The following ARMH4 variants were observed in gnomAD, a reference collection of about 807,000 sequenced individuals.
ARMH4 encodes armadillo like helical domain containing 4.
ARMH4 carries 49 observed loss-of-function variants against 61.9 expected under a neutral mutation model. That is an observed-to-expected ratio of 0.79 (90% CI 0.63 to 1.00). The LOEUF is 1.00. Among genes scored for constraint, ARMH4 ranks in the 50% least tolerant of loss-of-function variants. The pLI, the probability that ARMH4 is intolerant of heterozygous loss-of-function variation, is 0.00. For missense variants in ARMH4, 934 were observed against 930.0 expected (o/e 1.00, Z -0.06); for synonymous variants, 368 against 341.5 (o/e 1.08, Z -0.85).
chr14:58,102,287 T>C (rs1886010171), intron 4 of ARMH4, among the ~76,000 whole-genome samples: 1 of 151,906 alleles, frequency 6.6e-6, no homozygotes, highest in Non-Finnish European at 1.5e-5. Context: ...AGAAGAACCA[T>C]GGTGGTGCAG....
At chr14:58,072,484 G>A (rs529041565) in intron 5 of ARMH4, among the ~76,000 whole-genome samples, 165 of 152,112 alleles carry the variant, frequency 1.1e-3, no homozygotes, top group African/African-American at 3.7e-3. Flanking sequence ...TTTTGGAGGC[G>A]GAGGTGGGTG....
At chr14:58,063,623 T>C (rs548156630) in intron 5 of ARMH4, among the ~76,000 whole-genome samples, 1 of 103,500 alleles carries the variant, frequency 9.7e-6, no homozygotes, top group African/African-American at 4.6e-5. Flanking sequence ...AAAAATATCA[T>C]TTTTAGAACT....
chr14:58,133,725 T>C (rs995856413), intron 2 of ARMH4, among the ~76,000 whole-genome samples: 2 of 152,254 alleles, frequency 1.3e-5, no homozygotes, highest in African/African-American at 4.8e-5. Context: ...ATACAGTGTA[T>C]TAATTTTCAC....
chr14:58,087,604 T>A (rs1329862166), intron 5 of ARMH4, among the ~76,000 whole-genome samples: 1 of 152,202 alleles, frequency 6.6e-6, no homozygotes, highest in Non-Finnish European at 1.5e-5. Flanking sequence ...AAAGTGAACA[T>A]CATCTGGGTT....
intron 5 of ARMH4, among the ~76,000 whole-genome samples, chr14:58,092,362 A>G (rs1176281604): frequency 1.3e-5 from 2 of 152,230 alleles, no homozygotes; most frequent in South Asian, 2.1e-4. Flanking sequence ...GTAATTTTAC[A>G]ATGTTTACGC....
chr14:58,025,705 T>G (rs1451628863), intron 5 of ARMH4, among the ~76,000 whole-genome samples: 1 of 152,194 alleles, frequency 6.6e-6, no homozygotes, highest in Non-Finnish European at 1.5e-5. Flanking sequence ...TATCTGCATG[T>G]TTTTAAAGAA....
intron 4 of ARMH4, among the ~76,000 whole-genome samples, chr14:58,118,999 G>T (rs1174702286): frequency 6.6e-6 from 1 of 152,166 alleles, no homozygotes; most frequent in Non-Finnish European, 1.5e-5. Context: ...GATTCTTTAT[G>T]CTGTTTTAAT....
chr14:58,112,777 AT>A (rs1181096908), intron 4 of ARMH4, among the ~76,000 whole-genome samples: 3 of 152,082 alleles, frequency 2.0e-5, no homozygotes, highest in Non-Finnish European at 4.4e-5. Flanking sequence ...ATTTCTCTTA[AT>A]TCATTAAAGA....
At position 58,012,142 on chromosome 14, in the gene ARMH4, A is replaced by T. The variant is rs368482151; in HGVS notation, c.2098T>A (p.Trp700Arg). ...EQQNQGLVRSWMEKLKDKAGY... is the reference protein window; with the variant it reads ...EQQNQGLVRSRMEKLKDKAGY... ...ACCTTGTCTTTTAATTTTTCCATCC[A>T]GCTTCTCACTAGGAAAAAAATAAGA... The change falls in exon 6 of 8, where the codon TGG becomes AGG. Residue 700 changes from tryptophan to arginine, a missense_variant. Transcript: ENST00000267485. 1.9e-5 allele frequency: 28 copies of T among 1,452,752 alleles called. No homozygotes were observed. The highest frequency in any genetic ancestry group is 3.1e-5 in the African/African-American group (2 of 64,256). The allele number at this position is 1,452,752 out of a possible 1,614,324, so 90.0% of individuals were successfully genotyped here. A position where few individuals can be genotyped will look rare whatever the true frequency, so the allele number is the denominator to read the frequency against.
chr14:58,115,368 A>G (rs140547919), intron 4 of ARMH4, among the ~76,000 whole-genome samples: 3,433 of 152,308 alleles, frequency 0.023, 60 homozygotes, highest in Non-Finnish European at 0.033. Flanking sequence ...CAAAACCACA[A>G]TGAGATGTCA....
rs375491636 is a variant in ARMH4, at chr14:58,081,165, A to G, written c.2089+15559T>C. The stretch of plus-strand genomic sequence containing the variant: ...TACTCTCCCAAGTGAGGTTTCCTCA[A>G]CTTCTCAGATAAAAAGTGCATCCTC... On this transcript the variant is annotated intron_variant, in intron 5 of 7. Coordinates refer to ENST00000267485, the MANE Select transcript of ARMH4 (RefSeq NM_001001872.4). 1.2e-3 allele frequency among the ~76,000 whole-genome samples: 185 copies of G among 152,270 alleles called. 1 individual carries two copies. The highest frequency in any genetic ancestry group is 4.3e-3 in the African/African-American group (180 of 41,546).
At chr14:58,051,246 C>T (rs948924133) in intron 5 of ARMH4, among the ~76,000 whole-genome samples, 3 of 152,132 alleles carry the variant, frequency 2.0e-5, no homozygotes, top group Admixed American at 1.3e-4. Context: ...AAATTAACCA[C>T]ATCAATTTCT....
At position 58,003,259 on chromosome 14, in the gene ARMH4, G is replaced by C. The variant is rs1310157053; in HGVS notation, c.*1477C>G. On this transcript the variant is annotated 3_prime_UTR_variant, in exon 8 of 8. Coordinates refer to ENST00000267485, the MANE Select transcript of ARMH4 (RefSeq NM_001001872.4). ...AAAAGGTTACTGAACTGAAGATAAGGGTGCATGGCTGGGTCCAAGTGGGTT... is the reference window on the plus strand; with the variant it reads ...AAAAGGTTACTGAACTGAAGATAAGCGTGCATGGCTGGGTCCAAGTGGGTT... 15 of 152,194 alleles carry C rather than the reference G, an allele frequency of 9.9e-5. No individual in the cohort carries two copies. Among genetic ancestry groups the C allele is most frequent in the Admixed American group, 9.8e-4 (15 of 15,266 alleles). The allele number at this position is 152,194 out of a possible 1,614,324, so 9.4% of individuals were successfully genotyped here. A position where few individuals can be genotyped will look rare whatever the true frequency, so the allele number is the denominator to read the frequency against.
At chr14:58,134,621 A>G (rs1037619495) in intron 2 of ARMH4, among the ~76,000 whole-genome samples, 14 of 152,164 alleles carry the variant, frequency 9.2e-5, no homozygotes, top group African/African-American at 3.1e-4. Flanking sequence ...ACAATGAAAA[A>G]TAACATTCTA....
At chr14:58,150,674 G>C (rs1462733380) in intron 1 of ARMH4, among the ~76,000 whole-genome samples, 7 of 151,438 alleles carry the variant, frequency 4.6e-5, no homozygotes, top group African/African-American at 1.7e-4. Context: ...AGCCTTGGGA[G>C]TTTCTATGAA....
intron 2 of ARMH4, 81 bp from the exon 3 acceptor site, chr14:58,133,422 T>G: frequency 4.0e-5 from 48 of 1,212,450 alleles, no homozygotes; most frequent in East Asian, 5.5e-5. Flanking sequence ...ATTAAAAACT[T>G]GGGGGGAGGG....
intron 5 of ARMH4, among the ~76,000 whole-genome samples, chr14:58,030,560 T>A (rs1246391830): frequency 2.6e-5 from 4 of 152,220 alleles, no homozygotes; most frequent in Non-Finnish European, 5.9e-5. Flanking sequence ...ATCAGCACCA[T>A]CCATCTCCAG....
rs1408886977 is a variant in ARMH4, at chr14:58,002,066, T to G, written c.*2670A>C. The G allele has an allele frequency of 6.6e-6, 1 of 152,246 alleles. No individual in the cohort carries two copies. Among genetic ancestry groups the G allele is most frequent in the Non-Finnish European group, 1.5e-5 (1 of 68,048 alleles). The allele number at this position is 152,246 out of a possible 1,614,324, so 9.4% of individuals were successfully genotyped here. ...GTGCAAATATAAGCATACTTGTCAC[T>G]TATTTTGGGTAAACCTACAAGTGCC... On this transcript the variant is annotated 3_prime_UTR_variant, in exon 8 of 8. Transcript: ENST00000267485.
In ARMH4 at chr14:58,133,177, G is replaced by C; in HGVS notation, c.1534C>G (p.Gln512Glu). ...AGAGGCTCCCATCTTCTTGACAGCT[G>C]AGTAACACCAGGAACGTCAGACACA... ...SPVSDVPGVT[Q>E]LSRRWEPLAT... The change falls in exon 3 of 8, where the codon CAG becomes GAG. Residue 512 changes from glutamine (Q) to glutamate (E), a missense_variant. By Grantham distance (29) the Gln-to-Glu change is conservative. Transcript: ENST00000267485. 1 of 1,614,158 alleles carries C rather than the reference G, an allele frequency of 6.2e-7. No homozygotes were observed.
Sources: allele counts gnomAD v4.1 joint callset (sites outside exome capture counted in the v4.1 genomes callset), GRCh38; gene constraint gnomAD v4.1.1; transcripts MANE v1.5; gene names NCBI Gene and HGNC (gene_info 2026-07-23, HGNC 2026-07-21).